The following FMN1 variants were observed in gnomAD, a reference collection of about 807,000 sequenced individuals.
The protein encoded by FMN1 is formin-1.
In FMN1, 110 loss-of-function variants were observed where a neutral mutation model predicts 132.4. That is an observed-to-expected ratio of 0.83 (90% CI 0.71 to 0.97). The LOEUF is 0.97. FMN1 is among the 50% of genes least tolerant of loss of function. The probability of loss-of-function intolerance (pLI) is 0.00; values close to 1 mark genes in which losing one functional copy is unlikely to be tolerated. For synonymous variants in FMN1, 722 were observed against 651.7 expected, an observed-to-expected ratio of 1.11 and a Z score of -1.64; for missense variants, 1,792 against 1,705.3, an observed-to-expected ratio of 1.05 and a Z score of -0.90.
chr15:32,883,509 C>CACAAAAAA (rs2059819907), intron 16 of FMN1, among the ~76,000 whole-genome samples: 1 of 25,910 alleles, frequency 3.9e-5, no homozygotes, highest in Non-Finnish European at 7.4e-5. Context: ...GAACCTATCT[C>CACAAAAAA]AAAAAAAAAA....
intron 5 of FMN1, among the ~76,000 whole-genome samples, chr15:33,078,806 G>C (rs1484834496): frequency 2.6e-5 from 4 of 152,290 alleles, no homozygotes; most frequent in East Asian, 1.9e-4. Flanking sequence ...TGGAGAGAGA[G>C]AGGAAAAAAA....
chr15:33,124,681 T>C (rs991864713), intron 4 of FMN1, among the ~76,000 whole-genome samples: 2 of 151,570 alleles, frequency 1.3e-5, no homozygotes, highest in Non-Finnish European at 2.9e-5. Flanking sequence ...AGATTATTCC[T>C]TTCATTTTCA....
At chr15:33,158,506 C>T (rs1964766106) in intron 3 of FMN1, among the ~76,000 whole-genome samples, 1 of 152,018 alleles carries the variant, frequency 6.6e-6, no homozygotes, top group Non-Finnish European at 1.5e-5. Context: ...ACAGAATGCT[C>T]TTACCACACT....
intron 4 of FMN1, among the ~76,000 whole-genome samples, chr15:33,119,718 T>G (rs540306484): frequency 6.6e-6 from 1 of 152,314 alleles, no homozygotes; most frequent in South Asian, 2.1e-4. Flanking sequence ...GAATCATCTC[T>G]CAAAACTAAG....
chr15:32,966,655 A>T (rs1596361339), intron 8 of FMN1, among the ~76,000 whole-genome samples: 2 of 152,330 alleles, frequency 1.3e-5, no homozygotes, highest in East Asian at 1.9e-4. Context: ...TCATACCAGG[A>T]GTCAAAAGCA....
At chr15:32,843,346 T>C (rs1396614667) in intron 17 of FMN1, among the ~76,000 whole-genome samples, 1 of 152,180 alleles carries the variant, frequency 6.6e-6, no homozygotes. Flanking sequence ...CTATTTCACA[T>C]GAAGCTCAGA....
chr15:32,957,527 A>G (rs1205780754), intron 9 of FMN1, among the ~76,000 whole-genome samples: 1 of 152,060 alleles, frequency 6.6e-6, no homozygotes, highest in East Asian at 1.9e-4. Flanking sequence ...ATGTATCACT[A>G]ACGGAAGTTG....
At chr15:33,131,654 C>T (rs185589243) in intron 4 of FMN1, among the ~76,000 whole-genome samples, 1 of 152,170 alleles carries the variant, frequency 6.6e-6, no homozygotes, top group Admixed American at 6.5e-5. Context: ...GAGATAATAT[C>T]ACTGTAGGCC....
intron 4 of FMN1, among the ~76,000 whole-genome samples, chr15:33,152,454 A>C (rs1964475554): frequency 6.6e-6 from 1 of 152,200 alleles, no homozygotes; most frequent in South Asian, 2.1e-4. Context: ...ACTTTGAACC[A>C]AGTTTCTTCA....
At chr15:32,970,203 G>C (rs1321706796) in intron 7 of FMN1, among the ~76,000 whole-genome samples, 1 of 152,110 alleles carries the variant, frequency 6.6e-6, no homozygotes, top group African/African-American at 2.4e-5. Context: ...AATGCACTGA[G>C]TCTGTAATTG....
At chr15:32,962,326 TATACAAAGATC>T (rs941342217) in intron 9 of FMN1, among the ~76,000 whole-genome samples, 1 of 152,060 alleles carries the variant, frequency 6.6e-6, no homozygotes, top group Non-Finnish European at 1.5e-5. Flanking sequence ...CCTTACACTT[TATACAAAGATC>T]AATTCAAGAT....
intron 17 of FMN1, among the ~76,000 whole-genome samples, chr15:32,842,394 A>G (rs1184027757): frequency 1.3e-5 from 2 of 152,344 alleles, no homozygotes; most frequent in East Asian, 3.9e-4. Flanking sequence ...ACCTGAAGCA[A>G]GAACTAGCCA....
At chr15:33,035,506 C>T (rs1177435205) in intron 6 of FMN1, among the ~76,000 whole-genome samples, 1 of 152,176 alleles carries the variant, frequency 6.6e-6, no homozygotes, top group Non-Finnish European at 1.5e-5. Flanking sequence ...CAGTCATGTA[C>T]ACCACAGCAC....
intron 19 of FMN1, among the ~76,000 whole-genome samples, chr15:32,792,115 A>C (rs2057102718): frequency 6.6e-6 from 1 of 151,862 alleles, no homozygotes; most frequent in Admixed American, 6.6e-5. Context: ...TCGCAGAGAG[A>C]CCCAATATAT....
At chr15:33,126,133 GCTGA>G (rs1413503290) in intron 4 of FMN1, among the ~76,000 whole-genome samples, 107 of 152,146 alleles carry the variant, frequency 7.0e-4, no homozygotes, top group South Asian at 4.1e-4. Flanking sequence ...TGCCACAGCT[GCTGA>G]CTAAATGAGT....
rs1409477639 is a variant in FMN1, at chr15:32,910,544, C to A, written c.3227-9G>T. 49 of 1,562,040 alleles carry A rather than the reference C, an allele frequency of 3.1e-5. No homozygotes were observed. The highest frequency in any genetic ancestry group is 4.2e-5 in the Non-Finnish European group (48 of 1,152,286). On this transcript the variant is annotated splice_polypyrimidine_tract_variant and intron_variant, in intron 10 of 20. Transcript: ENST00000616417. ...ATCCACATTGAAAATGGCTGCCAAG[C>A]ACCCAAAAAGAAAAGAGGATAAGGG...
At chr15:33,065,522 C>G (rs10775202) in intron 5 of FMN1, among the ~76,000 whole-genome samples, 52,726 of 151,926 alleles carry the variant, frequency 0.35, 9,354 homozygotes, top group Admixed American at 0.38. Flanking sequence ...TTCAAACATT[C>G]CACACTGCTA....
At chr15:32,966,212 C>G (rs1443952754) in intron 8 of FMN1, among the ~76,000 whole-genome samples, 1 of 152,120 alleles carries the variant, frequency 6.6e-6, no homozygotes, top group African/African-American at 2.4e-5. Context: ...GCCAGTGTAA[C>G]TAGTATTATA....
chr15:33,115,876 C>A (rs965731498), intron 4 of FMN1, among the ~76,000 whole-genome samples: 4 of 152,116 alleles, frequency 2.6e-5, no homozygotes, highest in Non-Finnish European at 4.4e-5. Context: ...GAGAGGAATT[C>A]TCCACCACCT....
Sources: allele counts gnomAD v4.1 joint callset (sites outside exome capture counted in the v4.1 genomes callset), GRCh38; gene constraint gnomAD v4.1.1; transcripts MANE v1.5; gene names NCBI Gene and HGNC (gene_info 2026-07-23, HGNC 2026-07-21).